Variants in DOT1L observed in about 807,000 individuals in gnomAD.
DOT1L encodes DOT1 like histone lysine methyltransferase.
DOT1L carries 33 observed loss-of-function variants against 153.3 expected under a neutral mutation model. That is an observed-to-expected ratio of 0.22 (90% CI 0.16 to 0.29). The LOEUF is 0.29. Among genes scored for constraint, DOT1L ranks in the 10% least tolerant of loss-of-function variants. The pLI is 1.00. For missense variants in DOT1L, 1,847 were observed against 2,119.9 expected (o/e 0.87, Z 2.53); for synonymous variants, 1,135 against 965.1 (o/e 1.18, Z -3.26).
Position 2,220,928 on chromosome 19 carries a change from C to A in DOT1L, c.2806+706C>A. On this transcript the variant is annotated intron_variant, in intron 23 of 27. Transcript: ENST00000398665. This position sits in a 1 kb window ranked among gnomAD's most constrained non-coding sequence, Gnocchi z 4.5. ...TGGTGGCTCATGCCTGTAATCCCAG[C>A]ACCTTGGGATGCCGAGGTGGGCGGA... is the stretch of plus-strand genomic sequence containing the variant. The A allele has an allele frequency of 4.2e-6, 1 of 239,760 alleles. No homozygotes were observed. Among genetic ancestry groups the A allele is most frequent in the Non-Finnish European group, 8.4e-6 (1 of 118,520 alleles). The allele number at this position is 239,760 out of a possible 1,614,324, so 14.9% of individuals were successfully genotyped here. A position where few individuals can be genotyped will look rare whatever the true frequency, so the allele number is the denominator to read the frequency against.
chr19:2,179,874 C>T (rs1409312242), intron 1 of DOT1L, among the ~76,000 whole-genome samples: 1 of 152,184 alleles, frequency 6.6e-6, no homozygotes, highest in Admixed American at 6.5e-5. Context: ...GATTCGCTCC[C>T]TGCACCCAGC....
At chr19:2,221,090 T>C (rs1330353106) in intron 23 of DOT1L, 1 of 159,716 alleles carries the variant, frequency 6.3e-6, no homozygotes, top group Non-Finnish European at 1.4e-5. Flanking sequence ...GGCAGGAGAA[T>C]CGTTTGATCC....
At chr19:2,180,346 A>G (rs1249710411) in intron 1 of DOT1L, among the ~76,000 whole-genome samples, 1 of 152,184 alleles carries the variant, frequency 6.6e-6, no homozygotes, top group East Asian at 1.9e-4. Context: ...GGCTGTGTTG[A>G]GGGATCAACT....
intron 7 of DOT1L, among the ~76,000 whole-genome samples, chr19:2,195,641 A>G (rs2022984334): frequency 6.6e-6 from 1 of 152,020 alleles, no homozygotes; most frequent in East Asian, 1.9e-4. Context: ...GAGTCCTGAG[A>G]AGCTTCCCTT....
chr19:2,227,894 G>C (rs1462248398), intron 27 of DOT1L: 2 of 1,259,550 alleles, frequency 1.6e-6, no homozygotes, highest in East Asian at 1.3e-4. Flanking sequence ...CCTCGGTTGA[G>C]ACCCGGCCGC....
chr19:2,176,910 G>A lies in DOT1L; in HGVS notation c.82-3803G>A, dbSNP rs1446002319. On this transcript the variant is annotated intron_variant, in intron 1 of 27. Transcript: ENST00000398665. ...GGAGGGAGAGGGGAACCCTGCCGTGGGCCCTGACAGTGAGCAGGAGGAAAG... is the reference window on the plus strand; with the variant it reads ...GGAGGGAGAGGGGAACCCTGCCGTGAGCCCTGACAGTGAGCAGGAGGAAAG... Among the ~76,000 whole-genome samples, 5 of 152,200 alleles carry A rather than the reference G, an allele frequency of 3.3e-5. No homozygotes were observed. The East Asian group carries it at 9.6e-4, about 29-fold the overall frequency.
In DOT1L at chr19:2,180,730, T is replaced by C; in HGVS notation, c.99T>C (p.Ala33=). 1 of 1,614,094 alleles carries C rather than the reference T, an allele frequency of 6.2e-7. No homozygotes were observed. The highest frequency in any genetic ancestry group is 8.5e-7 in the Non-Finnish European group (1 of 1,180,008). Residue 33 remains alanine, a synonymous_variant, in exon 2 of 28, where the codon GCT becomes GCC. Transcript: ENST00000398665. ...PLPVYDKHHD[A]AHEIIETIRW... ...TGTTTCAGGATAAACATCACGATGC[T>C]GCTCATGAAATCATCGAGACCATCC...
At chr19:2,202,610 A>G in intron 8 of DOT1L, 90 bp from the exon 9 acceptor site, 1 of 1,328,058 alleles carries the variant, frequency 7.5e-7, no homozygotes, top group Non-Finnish European at 1.1e-6. Context: ...GGCAGGGCCT[A>G]GCACCGACAG....
At chr19:2,200,090 C>T in intron 8 of DOT1L, 151 bp downstream of exon 8, 3 of 1,023,702 alleles carry the variant, frequency 2.9e-6, no homozygotes, top group South Asian at 1.6e-5. Flanking sequence ...GCCTTTCCCT[C>T]ACGCTGGGTC....
intron 3 of DOT1L, among the ~76,000 whole-genome samples, chr19:2,188,712 G>C (rs904967511): frequency 4.0e-4 from 61 of 152,322 alleles, no homozygotes; most frequent in African/African-American, 1.5e-3. Flanking sequence ...CTCTGCTCTG[G>C]ACACCTTCTG....
Position 2,187,671 on chromosome 19 carries a change from C to T in DOT1L, c.200+1742C>T, listed in dbSNP as rs575077256. On this transcript the variant is annotated intron_variant, in intron 3 of 27. Coordinates refer to ENST00000398665, the MANE Select transcript of DOT1L (RefSeq NM_032482.3). ...GGCACCGTGGCTCACACCTGTAATC[C>T]CAGCACTTTGGGAGGCCGAGGCGGA... Among the ~76,000 whole-genome samples the T allele has an allele frequency of 5.5e-4, 84 of 152,180 alleles. No homozygotes were observed. In the South Asian group the frequency reaches 0.017, roughly 31 times the overall value.
intron 1 of DOT1L, 68 bp from the exon 2 acceptor site, chr19:2,180,645 G>A (rs149827464): frequency 5.7e-6 from 9 of 1,588,780 alleles, no homozygotes; most frequent in South Asian, 1.1e-5. Context: ...TCGCTTGTCC[G>A]GGAAGAGAGC....
chr19:2,230,223 A>G lies in DOT1L; in HGVS notation c.*431A>G, dbSNP rs1198771235. On this transcript the variant is annotated 3_prime_UTR_variant, in exon 28 of 28. Coordinates refer to ENST00000398665, the MANE Select transcript of DOT1L (RefSeq NM_032482.3). ...GCTTGGTGCTGACTAGACGCTGACA[A>G]CGCCGAACCCCGTTCTCGGAAACGC... is the stretch of plus-strand genomic sequence containing the variant. The G allele has an allele frequency of 4.8e-6, 2 of 412,484 alleles. No individual in the cohort carries two copies. Among genetic ancestry groups the G allele is most frequent in the Non-Finnish European group, 8.5e-6 (2 of 234,764 alleles). The allele number at this position is 412,484 out of a possible 1,614,324, so 25.6% of individuals were successfully genotyped here.
At chr19:2,223,682 C>T (rs559994796) in intron 25 of DOT1L, among the ~76,000 whole-genome samples, 196 bp downstream of exon 25, 6 of 152,222 alleles carry the variant, frequency 3.9e-5, no homozygotes, top group Non-Finnish European at 7.4e-5. Context: ...GCCGGCCTCC[C>T]GGGCCATTCG....
At chr19:2,228,001 C>T (rs940117203) in intron 27 of DOT1L, 2 of 1,291,906 alleles carry the variant, frequency 1.5e-6, no homozygotes, top group Non-Finnish European at 1.0e-6. Flanking sequence ...CCCCCTCCAC[C>T]TAACGCCGCC....
intron 8 of DOT1L, 134 bp from the exon 9 acceptor site, chr19:2,202,566 G>A (rs976013971): frequency 9.6e-6 from 8 of 829,092 alleles, no homozygotes; most frequent in African/African-American, 3.4e-5. Context: ...GCTCAGCTGC[G>A]TGGGCTTGGC....
rs373630790 is a variant in DOT1L at position 2,227,114 on chromosome 19, C to A, written c.4593C>A (p.Gly1531=). 199 of 1,551,026 alleles carry A rather than the reference C, an allele frequency of 1.3e-4. No individual in the cohort carries two copies. In the Middle Eastern group the frequency reaches 1.5e-3, roughly 12 times the overall value. Reference sequence around the variant, plus strand: ...TGGGCAGCTTTTCCGGGGTGGCAGGCGGCACAGTTGGAGGTAGGCAGGGCG... The same window carrying A: ...TGGGCAGCTTTTCCGGGGTGGCAGGAGGCACAGTTGGAGGTAGGCAGGGCG... The part of the protein sequence containing the change: ...HAMGSFSGVA[G]GTVGGN Residue 1531 remains glycine, a synonymous_variant, in exon 27 of 28, where the codon GGC becomes GGA. Transcript: ENST00000398665.
At chr19:2,218,123 G>A (rs2144879653) in intron 22 of DOT1L, among the ~76,000 whole-genome samples, 1 of 152,348 alleles carries the variant, frequency 6.6e-6, no homozygotes, top group African/African-American at 2.4e-5. Flanking sequence ...TGGGTGAAAG[G>A]TACGTGTGCA....
rs1297427520 is a variant in DOT1L, at chr19:2,204,182, T to A, written c.787+1403T>A. The stretch of plus-strand genomic sequence containing the variant: ...GCCTGTGTGTCTGTTAGCGTGTCTC[T>A]GTGTGCGTGCCTGTGCGTGCCTGTG... On this transcript the variant is annotated intron_variant, in intron 9 of 27. Coordinates refer to ENST00000398665, the MANE Select transcript of DOT1L (RefSeq NM_032482.3). This position sits in a 1 kb window ranked among gnomAD's most constrained non-coding sequence, Gnocchi z 5.7. Among the ~76,000 whole-genome samples, 1 of 151,530 alleles carries A rather than the reference T, an allele frequency of 6.6e-6. No individual in the cohort carries two copies. The highest frequency in any genetic ancestry group is 2.4e-5 in the African/African-American group (1 of 41,200).
Sources: allele counts gnomAD v4.1 joint callset (sites outside exome capture counted in the v4.1 genomes callset), GRCh38; gene constraint gnomAD v4.1.1; non-coding constraint Gnocchi (gnomAD v3.1); transcripts MANE v1.5; gene names NCBI Gene and HGNC (gene_info 2026-07-23, HGNC 2026-07-21).